STK3: variants seen among roughly 807,000 people sequenced by gnomAD.
STK3 encodes serine/threonine kinase 3, also known as serine/threonine-protein kinase 3.
Under a neutral mutation model 58.0 loss-of-function variants are expected in STK3, and 41 were observed. The ratio of observed to expected loss-of-function variants is 0.71; its 90% CI spans 0.55 to 0.92. The LOEUF (loss-of-function observed/expected upper bound fraction) is 0.92. STK3 is among the 40% of genes least tolerant of loss of function. The pLI is 0.00. For missense variants in STK3, 479 were observed against 602.7 expected, an observed-to-expected ratio of 0.79 and a Z score of 2.15; for synonymous variants, 170 against 191.0, an observed-to-expected ratio of 0.89 and a Z score of 0.91.
intron 10 of STK3, among the ~76,000 whole-genome samples, chr8:98,478,075 G>A (rs1396561280): frequency 6.6e-6 from 1 of 152,154 alleles, no homozygotes; most frequent in Non-Finnish European, 1.5e-5. Context: ...ATGTGTAGAA[G>A]AAGCAAGTGG....
chr8:98,903,985 A>G (rs1218005591), intron 1 of STK3, among the ~76,000 whole-genome samples: 2 of 152,176 alleles, frequency 1.3e-5, no homozygotes, highest in Non-Finnish European at 2.9e-5. Flanking sequence ...CACTATGCTC[A>G]TGTTTATGTC....
Position 98,381,160 on chromosome 8 carries a change from G to A in STK3, n.57-1953C>T, listed in dbSNP as rs552741279. Reference sequence around the variant, plus strand: ...TAATTTTTGTATTTTTAGTAGAGACGGGGTTTCACCACGTTGGCCAGGCTG... The same window carrying A: ...TAATTTTTGTATTTTTAGTAGAGACAGGGTTTCACCACGTTGGCCAGGCTG... On this transcript the variant is annotated intron_variant and non_coding_transcript_variant, in intron 1 of 2. Transcript: ENST00000518704. Among the ~76,000 whole-genome samples the A allele has an allele frequency of 3.6e-4, 54 of 151,880 alleles. 1 individual carries two copies. The Middle Eastern group carries it at 0.024, about 67-fold the overall frequency.
chr8:98,344,717 C>A, the STK3 span, among the ~76,000 whole-genome samples: 1 of 151,240 alleles, frequency 6.6e-6, no homozygotes, highest in Non-Finnish European at 1.5e-5. Context: ...AACGGTGAAA[C>A]CCCGTCTCTA....
chr8:98,518,370 C>A (rs568843458), intron 10 of STK3, among the ~76,000 whole-genome samples: 2 of 152,114 alleles, frequency 1.3e-5, no homozygotes, highest in Non-Finnish European at 2.9e-5. Flanking sequence ...AAGCCTTAAA[C>A]AGCACCATTA....
chr8:98,858,097 G>T (rs1347759380), intron 3 of STK3, among the ~76,000 whole-genome samples: 2 of 151,094 alleles, frequency 1.3e-5, no homozygotes, highest in East Asian at 3.9e-4. Context: ...AAAATATAAG[G>T]TAGGGCCAGG....
At chr8:98,864,059 T>C (rs912596468) in intron 3 of STK3, among the ~76,000 whole-genome samples, 1 of 150,510 alleles carries the variant, frequency 6.6e-6, no homozygotes, top group Non-Finnish European at 1.5e-5. Flanking sequence ...ATTAGCCGGG[T>C]GTGGTGGCGG....
chr8:98,898,865 A>G (rs1409300113), intron 1 of STK3, among the ~76,000 whole-genome samples: 7 of 152,222 alleles, frequency 4.6e-5, no homozygotes, highest in Non-Finnish European at 8.8e-5. Flanking sequence ...ACATGTAGCT[A>G]ATTCAAACAC....
At chr8:98,733,227 G>C (rs1828334391) in intron 4 of STK3, among the ~76,000 whole-genome samples, 1 of 152,178 alleles carries the variant, frequency 6.6e-6, no homozygotes, top group Non-Finnish European at 1.5e-5. Context: ...AAAAACACCT[G>C]CCCTTTTGAA....
intron 1 of STK3, 120 bp from the exon 2 acceptor site, chr8:98,774,939 C>T (rs1455789225): frequency 3.3e-6 from 2 of 613,456 alleles, no homozygotes; most frequent in African/African-American, 1.9e-5. Context: ...AAGACTCAAA[C>T]AATATAAAAA....
Position 98,800,951 on chromosome 8 carries a change from GC to G in STK3, c.26+24563del. ...TCCACGGCGTCCGGTCCCATAAACC[GC>G]CCAAGGGCTGAGGAGTGCAGGCGCA... On this transcript the variant is annotated intron_variant, in intron 1 of 10. Transcript: ENST00000419617. The surrounding 1 kb of genome is among the most constrained non-coding windows in gnomAD (Gnocchi z 4.8). 6.6e-6 allele frequency among the ~76,000 whole-genome samples: 1 copy of G among 152,230 alleles called. No homozygotes were observed. Among genetic ancestry groups the G allele is most frequent in the East Asian group, 1.9e-4 (1 of 5,188 alleles).
intron 6 of STK3, among the ~76,000 whole-genome samples, chr8:98,645,830 A>C (rs1820358215): frequency 6.6e-6 from 1 of 152,108 alleles, no homozygotes; most frequent in East Asian, 1.9e-4. Context: ...ATATAGATAG[A>C]TATAGATACA....
intron 6 of STK3, among the ~76,000 whole-genome samples, chr8:98,616,959 G>A (rs901307178): frequency 6.6e-6 from 1 of 152,070 alleles, no homozygotes; most frequent in Non-Finnish European, 1.5e-5. Flanking sequence ...GCACCAAGCG[G>A]ACCTAATAGA....
intron 1 of STK3, among the ~76,000 whole-genome samples, chr8:98,824,161 G>A (rs1271049546): frequency 2.0e-5 from 3 of 152,228 alleles, no homozygotes; most frequent in Non-Finnish European, 4.4e-5. Flanking sequence ...ATGCTTTTGC[G>A]GCATTTTTGT....
At chr8:98,400,036 G>T (rs948801218), downstream of STK3, among the ~76,000 whole-genome samples, 2 of 152,068 alleles carry the variant, frequency 1.3e-5, no homozygotes, top group Admixed American at 6.6e-5. Context: ...TGCTACCCAC[G>T]CATCAGATCC....
intron 3 of STK3, among the ~76,000 whole-genome samples, chr8:98,408,892 C>T (rs1305256893): frequency 6.6e-6 from 1 of 152,194 alleles, no homozygotes. Context: ...AATTCAGATA[C>T]TCTATCCTAT....
chr8:98,361,183 A>T, the STK3 span, among the ~76,000 whole-genome samples: 1 of 152,214 alleles, frequency 6.6e-6, no homozygotes, highest in Non-Finnish European at 1.5e-5. Flanking sequence ...GAGTGCTCAG[A>T]AGTGGCCAGC....
At chr8:98,418,853 G>A (rs1028182575) in intron 3 of STK3, among the ~76,000 whole-genome samples, 6 of 152,170 alleles carry the variant, frequency 3.9e-5, no homozygotes, top group Non-Finnish European at 7.3e-5. Context: ...ATACCAGCCA[G>A]GCTTTTCCAA....
chr8:98,846,112 T>A (rs182858407), intron 3 of STK3, among the ~76,000 whole-genome samples: 11 of 152,322 alleles, frequency 7.2e-5, no homozygotes, highest in Admixed American at 2.6e-4. Flanking sequence ...CTCTTCCAAA[T>A]CTCATTCAGA....
At chr8:98,473,261 C>T (rs1298651698) in intron 10 of STK3, among the ~76,000 whole-genome samples, 4 of 152,108 alleles carry the variant, frequency 2.6e-5, no homozygotes, top group Admixed American at 6.5e-5. Flanking sequence ...GTAATGAATT[C>T]GCATACCTGC....
Sources: gnomAD v4.1 joint callset for allele counts (sites outside exome capture counted in the v4.1 genomes callset) on GRCh38, gnomAD v4.1.1 for gene constraint, Gnocchi (gnomAD v3.1) non-coding constraint, MANE v1.5 for transcripts, NCBI Gene and HGNC (gene_info 2026-07-23, HGNC 2026-07-21) for gene names.